The following LRCH1 variants were observed in gnomAD, a reference collection of about 807,000 sequenced individuals.
LRCH1 encodes the protein leucine-rich repeat and calponin homology domain-containing protein 1.
Under a neutral mutation model 94.9 loss-of-function variants are expected in LRCH1, and 23 were observed. The observed-to-expected ratio is 0.24, with a 90% CI of 0.17 to 0.34. LRCH1 has a LOEUF of 0.34. Ranked by LOEUF, LRCH1 falls within the 10% of genes least tolerant of loss-of-function variation. LRCH1 has a pLI of 1.00. For synonymous variants in LRCH1, 364 were observed against 354.9 expected (o/e 1.03, Z -0.29); for missense variants, 790 against 945.9 (o/e 0.84, Z 2.16).
intron 5 of LRCH1, 36 bp from the exon 6 acceptor site, chr13:46,687,816 G>C (rs1038704811): frequency 2.5e-6 from 4 of 1,581,110 alleles, no homozygotes; most frequent in Admixed American, 1.7e-5. Context: ...TTTTGTCATT[G>C]AAAAATGAAT....
intron 1 of LRCH1, among the ~76,000 whole-genome samples, chr13:46,594,058 G>A (rs2050531614): frequency 6.6e-6 from 1 of 152,058 alleles, no homozygotes; most frequent in Non-Finnish European, 1.5e-5. Context: ...CAGGTTCCCT[G>A]AGAGGTGGGT....
At chr13:46,734,544 T>A (rs1873276787) in intron 19 of LRCH1, among the ~76,000 whole-genome samples, 1 of 152,258 alleles carries the variant, frequency 6.6e-6, no homozygotes, top group South Asian at 2.1e-4. Flanking sequence ...ACTATTTGCA[T>A]TTCATTTTTG....
intron 1 of LRCH1, among the ~76,000 whole-genome samples, chr13:46,613,739 G>A (rs1798742317): frequency 6.6e-6 from 1 of 152,206 alleles, no homozygotes; most frequent in South Asian, 2.1e-4. Flanking sequence ...TAGCTGTAAC[G>A]ATTCAAACAT....
chr13:46,695,163 A>G (rs965391846), intron 9 of LRCH1, 146 bp downstream of exon 9: 6 of 940,764 alleles, frequency 6.4e-6, no homozygotes, highest in African/African-American at 1.7e-5. Context: ...CTCAGCGCTC[A>G]GCGTGTCTAT....
chr13:46,601,508 T>C (rs1324381846), intron 1 of LRCH1, among the ~76,000 whole-genome samples: 1 of 152,258 alleles, frequency 6.6e-6, no homozygotes, highest in Non-Finnish European at 1.5e-5. Context: ...CATAGGTACA[T>C]AGGTGATTTT....
intron 16 of LRCH1, among the ~76,000 whole-genome samples, chr13:46,720,354 TC>T (rs923747829): frequency 5.9e-5 from 9 of 152,142 alleles, no homozygotes. Flanking sequence ...ACCATTGCAC[TC>T]CAGCCTGGGC....
intron 1 of LRCH1, among the ~76,000 whole-genome samples, chr13:46,615,336 G>A (rs865849824): frequency 1.3e-5 from 2 of 152,072 alleles, no homozygotes; most frequent in African/African-American, 4.8e-5. Context: ...AAGGGAGGAG[G>A]GGCCTTGCTC....
intron 13 of LRCH1, among the ~76,000 whole-genome samples, chr13:46,706,543 G>A (rs1871769958): frequency 6.6e-6 from 1 of 151,996 alleles, no homozygotes; most frequent in Non-Finnish European, 1.5e-5. Flanking sequence ...GTTCTGTGCA[G>A]ACTTAACCTC....
intron 3 of LRCH1, among the ~76,000 whole-genome samples, chr13:46,676,851 C>T (rs1214662967): frequency 6.6e-6 from 1 of 152,140 alleles, no homozygotes; most frequent in Non-Finnish European, 1.5e-5. Context: ...GGTCACAGCT[C>T]ACTGCAGCCT....
chr13:46,615,185 T>G (rs1258047304), intron 1 of LRCH1, among the ~76,000 whole-genome samples: 2 of 152,232 alleles, frequency 1.3e-5, no homozygotes, highest in Non-Finnish European at 2.9e-5. Context: ...GAGGTTTTAT[T>G]GGCTCATGGT....
chr13:46,657,424 G>GTGGATTT (rs1232397366), intron 2 of LRCH1, among the ~76,000 whole-genome samples: 1 of 136,586 alleles, frequency 7.3e-6, no homozygotes, highest in Non-Finnish European at 1.6e-5. Flanking sequence ...TATGAAAGGT[G>GTGGATTT]TGGATTTTGG....
At chr13:46,726,538 A>C (rs1466368065) in intron 17 of LRCH1, among the ~76,000 whole-genome samples, 2 of 152,176 alleles carry the variant, frequency 1.3e-5, no homozygotes, top group African/African-American at 2.4e-5. Context: ...TGAACACCAC[A>C]GGAAACACTG....
At chr13:46,556,305 A>C (rs1331257201) in intron 1 of LRCH1, among the ~76,000 whole-genome samples, 1 of 152,228 alleles carries the variant, frequency 6.6e-6, no homozygotes, top group Non-Finnish European at 1.5e-5. Flanking sequence ...GTGGAAAACC[A>C]AGATGTAAAC....
intron 1 of LRCH1, among the ~76,000 whole-genome samples, chr13:46,611,802 T>G (rs1319915614): frequency 6.6e-6 from 1 of 152,250 alleles, no homozygotes; most frequent in African/African-American, 2.4e-5. Flanking sequence ...TAATGTTATC[T>G]TCTTAAAATT....
chr13:46,588,543 C>T (rs1284896598), intron 1 of LRCH1, among the ~76,000 whole-genome samples: 2 of 151,142 alleles, frequency 1.3e-5, no homozygotes, highest in African/African-American at 4.9e-5. Context: ...TGTATATCTA[C>T]TACCTAAATT....
At chr13:46,679,260 A>C (rs897277294) in intron 3 of LRCH1, among the ~76,000 whole-genome samples, 2 of 152,138 alleles carry the variant, frequency 1.3e-5, no homozygotes, top group Admixed American at 6.5e-5. Flanking sequence ...TCTAGGACTC[A>C]CCTGTGTGGT....
chr13:46,674,435 T>C (rs2051644005), intron 3 of LRCH1, among the ~76,000 whole-genome samples: 1 of 152,238 alleles, frequency 6.6e-6, no homozygotes, highest in Non-Finnish European at 1.5e-5. Flanking sequence ...CCAGGTTGTA[T>C]TTCCACATTG....
chr13:46,750,659 C>CAATGGAGAAGGGGTAGT, exon 19 of LRCH1: 1 of 1,531,050 alleles, frequency 6.5e-7, no homozygotes, highest in Non-Finnish European at 8.9e-7. Context: ...GAAACTACCC[C>CAATGGAGAAGGGGTAGT]TTCTCCATTG....
intron 1 of LRCH1, among the ~76,000 whole-genome samples, chr13:46,644,539 G>A (rs2051197846): frequency 6.6e-6 from 1 of 152,214 alleles, no homozygotes. Context: ...CTGTTTTGCA[G>A]TTTTGTTTTA....
Sources: allele counts gnomAD v4.1 joint callset (sites outside exome capture counted in the v4.1 genomes callset), GRCh38; gene constraint gnomAD v4.1.1; transcripts MANE v1.5; gene names NCBI Gene and HGNC (gene_info 2026-07-23, HGNC 2026-07-21).